Variants in ZFHX3 observed in about 807,000 individuals in gnomAD.
ZFHX3 encodes zinc finger homeobox 3.
In ZFHX3, 42 loss-of-function variants were observed where a neutral mutation model predicts 279.1. The ratio of observed to expected loss-of-function variants is 0.15; its 90% CI spans 0.12 to 0.19. The LOEUF is 0.19. ZFHX3 is among the 10% of genes least tolerant of loss of function. The pLI is 1.00. For missense variants in ZFHX3, 4,981 were observed against 4,754.0 expected (o/e 1.05, Z -1.40); for synonymous variants, 2,293 against 1,957.8 (o/e 1.17, Z -4.52).
At chr16:73,365,957 G>C (rs1479457667) in intron 3 of ZFHX3, among the ~76,000 whole-genome samples, 1 of 152,186 alleles carries the variant, frequency 6.6e-6, no homozygotes, top group Admixed American at 6.5e-5. Flanking sequence ...GTCCAGGAAA[G>C]GGAAAGATCA....
At chr16:72,955,935 C>T (rs974448167) in intron 2 of ZFHX3, among the ~76,000 whole-genome samples, 8 of 152,136 alleles carry the variant, frequency 5.3e-5, no homozygotes. Flanking sequence ...TAAAGAAAAC[C>T]TTAGAGTACT....
At chr16:73,594,740 C>T (rs1002009275) in intron 2 of ZFHX3, among the ~76,000 whole-genome samples, 2 of 152,094 alleles carry the variant, frequency 1.3e-5, no homozygotes, top group African/African-American at 2.4e-5. Context: ...CATTGGCATG[C>T]GATATTTTAT....
At chr16:73,473,093 C>T (rs2018697474) in intron 2 of ZFHX3, among the ~76,000 whole-genome samples, 1 of 151,574 alleles carries the variant, frequency 6.6e-6, no homozygotes, top group Non-Finnish European at 1.5e-5. Flanking sequence ...CTATTCCCAC[C>T]ACTTTGGGAG....
chr16:73,045,994 C>T (rs1965286431), intron 1 of ZFHX3, among the ~76,000 whole-genome samples: 1 of 152,182 alleles, frequency 6.6e-6, no homozygotes, highest in South Asian at 2.1e-4. Flanking sequence ...CCCCAGCCCA[C>T]TCTGAGAGGC....
At chr16:73,031,993 GA>G (rs980631848) in intron 1 of ZFHX3, among the ~76,000 whole-genome samples, 19 of 148,208 alleles carry the variant, frequency 1.3e-4, no homozygotes, top group Admixed American at 4.0e-4. Context: ...AGCCCCTAAA[GA>G]AAAAAAAAAT....
intron 8 of ZFHX3, among the ~76,000 whole-genome samples, chr16:73,068,082 A>C (rs1024566919): frequency 1.3e-5 from 2 of 152,154 alleles, no homozygotes. Context: ...CACTTTCCAA[A>C]TAATTGCATT....
chr16:73,517,164 C>T (rs1017954554), intron 2 of ZFHX3, among the ~76,000 whole-genome samples: 4 of 152,126 alleles, frequency 2.6e-5, no homozygotes, highest in Admixed American at 6.6e-5. Context: ...TCCAAAGCGC[C>T]GTAGTGACTG....
intron 1 of ZFHX3, among the ~76,000 whole-genome samples, chr16:72,974,818 G>A (rs1962275663): frequency 1.3e-5 from 2 of 152,254 alleles, no homozygotes; most frequent in South Asian, 4.2e-4. Context: ...GGGCACCCTC[G>A]AGAGACCCCT....
At position 73,655,636 on chromosome 16, in the gene ZFHX3, T is replaced by C. The variant is rs541759420; in HGVS notation, c.-1547+24544A>G. 6.3e-4 allele frequency among the ~76,000 whole-genome samples: 96 copies of C among 152,354 alleles called. No individual in the cohort carries two copies. The Middle Eastern group carries it at 0.01, about 16-fold the overall frequency. On this transcript the variant is annotated intron_variant, in intron 2 of 17. Transcript: ENST00000641206. Reference sequence around the variant, plus strand: ...ATAATTATGGTTATGCAAACAATTATGATTATGTAAAATTTAAAAATGCAA... The same window carrying C: ...ATAATTATGGTTATGCAAACAATTACGATTATGTAAAATTTAAAAATGCAA...
chr16:73,355,906 A>G (rs1214631667), intron 3 of ZFHX3, among the ~76,000 whole-genome samples: 1 of 152,162 alleles, frequency 6.6e-6, no homozygotes, highest in Non-Finnish European at 1.5e-5. Context: ...ACTCAGGGTC[A>G]CACAGCTCAT....
intron 1 of ZFHX3, among the ~76,000 whole-genome samples, chr16:73,874,031 C>T (rs149416083): frequency 6.6e-6 from 1 of 152,062 alleles, no homozygotes; most frequent in South Asian, 2.1e-4. Flanking sequence ...CTTTTCTCTT[C>T]AATATCTCAG....
chr16:73,501,615 G>A (rs565549180), intron 2 of ZFHX3, among the ~76,000 whole-genome samples: 2 of 152,264 alleles, frequency 1.3e-5, no homozygotes, highest in East Asian at 1.9e-4. Context: ...AGTCTCTTTC[G>A]AAGGATCCAT....
intron 1 of ZFHX3, among the ~76,000 whole-genome samples, chr16:73,822,763 G>T (rs1049703656): frequency 6.6e-6 from 1 of 152,200 alleles, no homozygotes; most frequent in Non-Finnish European, 1.5e-5. Flanking sequence ...TCTAACAGAT[G>T]CCAGAAGAAG....
chr16:73,518,457 C>A (rs1410469418), intron 2 of ZFHX3, among the ~76,000 whole-genome samples: 2 of 152,174 alleles, frequency 1.3e-5, no homozygotes, highest in Non-Finnish European at 2.9e-5. Context: ...AGGTCCCTAA[C>A]CTTTCATGAG....
At position 72,798,024 on chromosome 16, in the gene ZFHX3, G is replaced by T; in HGVS notation, c.4658C>A (p.Ser1553Tyr). Residue 1553 changes from serine to tyrosine, a missense_variant, in exon 9 of 10, where the codon TCT becomes TAT. Ser to Tyr is a moderately radical substitution (Grantham distance 144). This residue lies in a region of ZFHX3 where 1,751 missense variants were observed against 1,770.0 expected (regional missense o/e 0.99). Coordinates refer to ENST00000268489, the MANE Select transcript of ZFHX3 (RefSeq NM_006885.4). ...RPYKCTVCKE[S>Y]FTQKNILLVH... Reference sequence around the variant, plus strand: ...TAGCAGGATATTCTTTTGAGTGAAAGATTCCTTGCAGACGGTACACTTGTA... The same window carrying T: ...TAGCAGGATATTCTTTTGAGTGAAATATTCCTTGCAGACGGTACACTTGTA... 1 of 1,614,214 alleles carries T rather than the reference G, an allele frequency of 6.2e-7. No homozygotes were observed. Among genetic ancestry groups the T allele is most frequent in the East Asian group, 2.2e-5 (1 of 44,882 alleles).
chr16:73,154,262 C>A (rs1181444336), intron 5 of ZFHX3, among the ~76,000 whole-genome samples: 4 of 152,192 alleles, frequency 2.6e-5, no homozygotes, highest in African/African-American at 9.7e-5. Context: ...ATGCACAGAT[C>A]TCAGTGTTGT....
At chr16:73,287,155 AGTGT>A (rs1473993472) in intron 4 of ZFHX3, among the ~76,000 whole-genome samples, 1 of 79,912 alleles carries the variant, frequency 1.3e-5, no homozygotes, top group African/African-American at 5.1e-5. Flanking sequence ...TGGCTGTGTG[AGTGT>A]GTGGGTTGCT....
chr16:73,301,475 C>T (rs375256306), intron 4 of ZFHX3, among the ~76,000 whole-genome samples: 1 of 152,268 alleles, frequency 6.6e-6, no homozygotes, highest in African/African-American at 2.4e-5. Flanking sequence ...GCAACCCTGG[C>T]CTCTACCCTC....
At chr16:72,939,755 G>A (rs557548082) in intron 3 of ZFHX3, among the ~76,000 whole-genome samples, 54 of 152,312 alleles carry the variant, frequency 3.5e-4, no homozygotes, top group Non-Finnish European at 2.9e-4. Context: ...GGGTATGGTG[G>A]CAGGCGCCTG....
Sources: allele counts gnomAD v4.1 joint callset (sites outside exome capture counted in the v4.1 genomes callset), GRCh38; gene constraint gnomAD v4.1.1; regional missense constraint gnomAD v4.1.1; transcripts MANE v1.5; gene names NCBI Gene and HGNC (gene_info 2026-07-23, HGNC 2026-07-21).